NUP62CL: variants seen among roughly 807,000 people sequenced by gnomAD.
The protein encoded by NUP62CL is nucleoporin-62 C-terminal-like protein.
A neutral mutation model predicts 15.3 loss-of-function variants in NUP62CL; 13 were observed. That is an observed-to-expected ratio of 0.85 (90% CI 0.55 to 1.35). NUP62CL has a LOEUF of 1.35. NUP62CL is among the 40% of genes most tolerant of loss of function. NUP62CL has a pLI of 0.00. For missense variants in NUP62CL, 123 were observed against 130.6 expected, an observed-to-expected ratio of 0.94 and a Z score of 0.28; for synonymous variants, 54 against 49.2, an observed-to-expected ratio of 1.10 and a Z score of -0.41.
chrX:107,205,268 AAGG>A (rs1238876631), intron 1 of NUP62CL, among the ~76,000 whole-genome samples: 1 of 112,038 alleles, frequency 8.9e-6, no homozygotes, highest in Non-Finnish European at 1.9e-5. Context: ...AAGCAAGAAG[AAGG>A]AGATGGCATA....
intron 2 of NUP62CL, among the ~76,000 whole-genome samples, chrX:107,178,615 G>A (rs1167704393): frequency 8.9e-6 from 1 of 111,821 alleles, no homozygotes; most frequent in Admixed American, 9.5e-5. Flanking sequence ...ATAAGTAACT[G>A]TACTTGCACC....
intron 8 of NUP62CL, among the ~76,000 whole-genome samples, chrX:107,138,119 A>G (rs999764613): frequency 1.2e-4 from 13 of 111,487 alleles, no homozygotes; most frequent in Non-Finnish European, 2.5e-4. Flanking sequence ...TATTTGTAGG[A>G]AAAAAAAGAA....
At chrX:107,152,135 G>T (rs867365155) in intron 7 of NUP62CL, among the ~76,000 whole-genome samples, 4 of 47,262 alleles carry the variant, frequency 8.5e-5, no homozygotes, top group Non-Finnish European at 1.3e-4. Context: ...TATATATTCA[G>T]ATATATATAT....
chrX:107,161,309 G>A (rs1372006278), intron 4 of NUP62CL, among the ~76,000 whole-genome samples: 13 of 102,519 alleles, frequency 1.3e-4, no homozygotes, highest in Admixed American at 2.2e-4. Flanking sequence ...TATAAATCAC[G>A]CTGCTATAAA....
intron 3 of NUP62CL, among the ~76,000 whole-genome samples, chrX:107,172,667 A>G (rs1926680632): frequency 9.0e-6 from 1 of 111,556 alleles, no homozygotes; most frequent in South Asian, 3.8e-4. Context: ...GCCAACTTCA[A>G]TAGAGGTCAA....
intron 2 of NUP62CL, among the ~76,000 whole-genome samples, chrX:107,175,451 G>C (rs1263677249): frequency 9.0e-6 from 1 of 111,459 alleles, no homozygotes; most frequent in Non-Finnish European, 1.9e-5. Context: ...GTCCTAAGAG[G>C]GGGGATCCAC....
intron 4 of NUP62CL, 50 bp from the exon 5 acceptor site, chrX:107,154,296 T>C (rs1262995181): frequency 3.8e-6 from 4 of 1,043,997 alleles, no homozygotes; most frequent in Admixed American, 5.8e-5. Context: ...CTTTAAAAAG[T>C]GTGATCAGAT....
intron 3 of NUP62CL, among the ~76,000 whole-genome samples, chrX:107,169,363 A>C (rs1395151707): frequency 1.8e-5 from 2 of 112,222 alleles, no homozygotes; most frequent in Non-Finnish European, 3.8e-5. Context: ...TGTATATGCA[A>C]TGTTTGATTT....
chrX:107,136,297 A>T (rs964881334), intron 8 of NUP62CL, among the ~76,000 whole-genome samples: 1 of 112,036 alleles, frequency 8.9e-6, no homozygotes, highest in Non-Finnish European at 1.9e-5. Flanking sequence ...CAACAAATTT[A>T]TACTCATAAA....
At chrX:107,204,468 C>T (rs917702542) in intron 1 of NUP62CL, among the ~76,000 whole-genome samples, 1 of 110,951 alleles carries the variant, frequency 9.0e-6, no homozygotes, top group East Asian at 2.8e-4. Context: ...TAGTATTGGA[C>T]GCCACCTTGC....
intron 2 of NUP62CL, among the ~76,000 whole-genome samples, chrX:107,180,830 A>G (rs1245909272): frequency 2.7e-5 from 3 of 110,551 alleles, no homozygotes. Flanking sequence ...AAACTCCTAT[A>G]GAAATGCTTA....
Position 107,182,719 on chromosome X carries a change from G to C in NUP62CL, c.-47-7526C>G, listed in dbSNP as rs1345843512. 3.6e-5 allele frequency among the ~76,000 whole-genome samples: 4 copies of C among 111,127 alleles called. No homozygotes were observed. The East Asian group carries it at 8.5e-4, about 23-fold the overall frequency. On this transcript the variant is annotated intron_variant, in intron 2 of 8. Transcript: ENST00000372466. Reference sequence around the variant, plus strand: ...AGGAAGGCAGCAACTTCAATTAATAGAGAAAGGATGTCTATTTAACAAAAC... The same window carrying C: ...AGGAAGGCAGCAACTTCAATTAATACAGAAAGGATGTCTATTTAACAAAAC...
intron 1 of NUP62CL, among the ~76,000 whole-genome samples, chrX:107,197,503 A>G: frequency 9.1e-6 from 1 of 110,327 alleles, no homozygotes; most frequent in Non-Finnish European, 1.9e-5. Flanking sequence ...CTCCTTATCC[A>G]CACTGCCTAA....
At chrX:107,155,185 C>T (rs919511778) in intron 4 of NUP62CL, among the ~76,000 whole-genome samples, 1 of 112,228 alleles carries the variant, frequency 8.9e-6, no homozygotes. Flanking sequence ...GGGCAAAGAG[C>T]GCCTAGTCAG....
At chrX:107,152,529 T>C (rs1926070197) in intron 7 of NUP62CL, among the ~76,000 whole-genome samples, 1 of 111,275 alleles carries the variant, frequency 9.0e-6, no homozygotes, top group Admixed American at 9.6e-5. Flanking sequence ...TAGATTATGT[T>C]GTTCATTCAT....
intron 2 of NUP62CL, among the ~76,000 whole-genome samples, chrX:107,184,383 G>A (rs1386528615): frequency 3.6e-5 from 4 of 110,200 alleles, no homozygotes; most frequent in Non-Finnish European, 7.6e-5. Context: ...GTAAAGAAAC[G>A]GAAGTTATAA....
At chrX:107,131,660 C>A (rs1338180797) in intron 8 of NUP62CL, 4 of 613,087 alleles carry the variant, frequency 6.5e-6, no homozygotes, top group Non-Finnish European at 1.1e-5. Flanking sequence ...CTAGCGGGAT[C>A]TGGAGGATGG....
intron 8 of NUP62CL, among the ~76,000 whole-genome samples, chrX:107,144,746 T>A (rs138806177): frequency 0.012 from 1,376 of 111,257 alleles, 9 homozygotes; most frequent in Non-Finnish European, 0.017. Flanking sequence ...AGGTAAGTGG[T>A]TTTTGGTGAT....
intron 8 of NUP62CL, among the ~76,000 whole-genome samples, chrX:107,134,496 C>T (rs1435343851): frequency 8.9e-6 from 1 of 112,028 alleles, no homozygotes; most frequent in Non-Finnish European, 1.9e-5. Context: ...CTCTGTCGCC[C>T]AGGCTGTAGT....
Sources: gnomAD v4.1 joint callset for allele counts (sites outside exome capture counted in the v4.1 genomes callset) on GRCh38, gnomAD v4.1.1 for gene constraint, MANE v1.5 for transcripts, NCBI Gene and HGNC (gene_info 2026-07-23, HGNC 2026-07-21) for gene names.